The following RAP1A variants were observed in gnomAD, a reference collection of about 807,000 sequenced individuals.
RAP1A encodes ras-related protein Rap-1A.
A neutral mutation model predicts 26.4 loss-of-function variants in RAP1A; 6 were observed. The observed-to-expected ratio is 0.23, with a 90% CI of 0.12 to 0.45. The LOEUF is 0.45. Among genes scored for constraint, RAP1A ranks in the 20% least tolerant of loss-of-function variants. RAP1A has a pLI of 0.99. For missense variants in RAP1A, 121 were observed against 217.2 expected (o/e 0.56, Z 2.78); for synonymous variants, 73 against 79.4 (o/e 0.92, Z 0.43).
At chr1:111,631,325 A>G (rs894292494) in intron 1 of RAP1A, among the ~76,000 whole-genome samples, 2 of 152,210 alleles carry the variant, frequency 1.3e-5, no homozygotes, top group African/African-American at 4.8e-5. Flanking sequence ...CGTGAAATCC[A>G]TGGAATAGAA....
chr1:111,660,745 G>A (rs934514708), intron 1 of RAP1A, among the ~76,000 whole-genome samples: 4 of 152,140 alleles, frequency 2.6e-5, no homozygotes, highest in South Asian at 2.1e-4. Flanking sequence ...AGTCCTTACC[G>A]TGGCCTAAAA....
At chr1:111,606,497 T>C (rs1658781658) in intron 1 of RAP1A, among the ~76,000 whole-genome samples, 1 of 152,170 alleles carries the variant, frequency 6.6e-6, no homozygotes, top group African/African-American at 2.4e-5. Flanking sequence ...AAATACTACA[T>C]CTCCTCACCA....
rs17028138 is a variant in RAP1A, at chr1:111,633,449, C to T, written c.-28+13515C>T. ...GGATATCAGATTAACTTAAGAAAAA[C>T]CATAGGCAAGTGATTTGGGAGGGAG... On this transcript the variant is annotated intron_variant, in intron 1 of 7. Transcript: ENST00000369709. Among the ~76,000 whole-genome samples, 1,309 of 152,280 alleles carry T rather than the reference C, an allele frequency of 8.6e-3. 21 individuals carry two copies. Among genetic ancestry groups the T allele is most frequent in the African/African-American group, 0.03 (1,244 of 41,556 alleles).
intron 1 of RAP1A, chr1:111,608,684 C>A (rs1212992758): frequency 6.1e-6 from 1 of 164,848 alleles, no homozygotes; most frequent in Non-Finnish European, 1.3e-5. Flanking sequence ...GGATCACTCG[C>A]GGCTAGGAGC....
Position 111,542,283 on chromosome 1 carries a change from C to A in RAP1A, c.-254C>A, listed in dbSNP as rs1012815379. 8.7e-6 allele frequency: 5 copies of A among 572,512 alleles called. No individual in the cohort carries two copies. The African/African-American group carries it at 9.5e-5, about 11-fold the overall frequency. 35.5% of individuals were successfully genotyped at this position (572,512 alleles called of 1,614,324 possible). On this transcript the variant is annotated 5_prime_UTR_variant, in exon 1 of 8. Transcript: ENST00000356415. ...AGGCCGTATTTCAGGATCAGACCTG[C>A]CGGTTCGAACACACGCGACAAGAGC... is the stretch of plus-strand genomic sequence containing the variant.
chr1:111,625,273 T>C (rs1659359131), intron 1 of RAP1A, among the ~76,000 whole-genome samples: 1 of 152,196 alleles, frequency 6.6e-6, no homozygotes, highest in Admixed American at 6.5e-5. Context: ...AAAGATAATT[T>C]TGTTCATGAT....
At chr1:111,563,843 C>T in intron 1 of RAP1A, 1 of 1,611,402 alleles carries the variant, frequency 6.2e-7, no homozygotes, top group Non-Finnish European at 8.5e-7. Flanking sequence ...TGCTATGACT[C>T]ACTGTGACTC....
At chr1:111,649,130 G>A (rs911523223) in intron 1 of RAP1A, 1 of 583,192 alleles carries the variant, frequency 1.7e-6, no homozygotes, top group East Asian at 4.4e-5. Context: ...TCTGCAGAAC[G>A]ATGTGGGCAT....
intron 1 of RAP1A, among the ~76,000 whole-genome samples, chr1:111,581,403 A>G (rs1400212882): frequency 2.6e-5 from 4 of 152,248 alleles, no homozygotes; most frequent in Admixed American, 6.5e-5. Flanking sequence ...GGGGTAGAGG[A>G]GTTGTTACCA....
chr1:111,636,987 C>T (rs904432389), intron 1 of RAP1A, among the ~76,000 whole-genome samples: 3 of 152,046 alleles, frequency 2.0e-5, no homozygotes, highest in African/African-American at 7.2e-5. Context: ...AAAGCTACTC[C>T]GGTATACCTC....
At chr1:111,567,768 G>A (rs1238173494) in intron 1 of RAP1A, among the ~76,000 whole-genome samples, 3 of 152,200 alleles carry the variant, frequency 2.0e-5, no homozygotes, top group African/African-American at 7.2e-5. Context: ...GCAGAGGAAA[G>A]GCCTTGCCAG....
intron 1 of RAP1A, among the ~76,000 whole-genome samples, chr1:111,676,156 G>C (rs1315400368): frequency 6.6e-6 from 1 of 152,142 alleles, no homozygotes; most frequent in East Asian, 1.9e-4. Context: ...AGGAGTTCGA[G>C]ACCAGGCTGG....
chr1:111,683,387 T>G (rs1557890692), intron 1 of RAP1A, among the ~76,000 whole-genome samples: 1 of 152,008 alleles, frequency 6.6e-6, no homozygotes, highest in Non-Finnish European at 1.5e-5. Context: ...AGGAGCTGGT[T>G]TTTTTAAAAG....
At chr1:111,674,578 C>T (rs1017020029) in intron 1 of RAP1A, among the ~76,000 whole-genome samples, 1 of 152,200 alleles carries the variant, frequency 6.6e-6, no homozygotes, top group African/African-American at 2.4e-5. Flanking sequence ...GATACCTTTA[C>T]TTGTTCTTCC....
intron 1 of RAP1A, among the ~76,000 whole-genome samples, chr1:111,689,222 G>A (rs1661594662): frequency 6.6e-6 from 1 of 151,730 alleles, no homozygotes; most frequent in African/African-American, 2.4e-5. Flanking sequence ...ATATTATACT[G>A]CTTGATAGCT....
intron 1 of RAP1A, among the ~76,000 whole-genome samples, chr1:111,653,931 A>G (rs1021729152): frequency 2.6e-5 from 4 of 152,182 alleles, no homozygotes; most frequent in African/African-American, 4.8e-5. Flanking sequence ...GAAGGGGTAT[A>G]AACCAAGATA....
intron 1 of RAP1A, 35 bp from the exon 2 acceptor site, chr1:111,691,299 T>C: frequency 6.8e-7 from 1 of 1,473,130 alleles, no homozygotes; most frequent in Non-Finnish European, 9.5e-7. Context: ...TGTTAGCATG[T>C]TTCTTAATCT....
At chr1:111,608,275 A>G (rs1222841941) in intron 1 of RAP1A, 1 of 138,158 alleles carries the variant, frequency 7.2e-6, no homozygotes, top group Non-Finnish European at 1.6e-5. Flanking sequence ...GCGGCGGGGC[A>G]GAGGCTCTCC....
At chr1:111,594,506 A>C (rs1403664797) in intron 1 of RAP1A, among the ~76,000 whole-genome samples, 3 of 145,960 alleles carry the variant, frequency 2.1e-5, no homozygotes, top group Non-Finnish European at 4.5e-5. Flanking sequence ...GACAGATGGA[A>C]GGAAGGAAGG....
Sources: gnomAD v4.1 joint callset for allele counts (sites outside exome capture counted in the v4.1 genomes callset) on GRCh38, gnomAD v4.1.1 for gene constraint, MANE v1.5 for transcripts, NCBI Gene and HGNC (gene_info 2026-07-23, HGNC 2026-07-21) for gene names.